The following HEATR4 variants were observed in gnomAD, a reference collection of about 807,000 sequenced individuals.
HEATR4 encodes the protein HEAT repeat-containing protein 4.
A neutral mutation model predicts 108.8 loss-of-function variants in HEATR4; 95 were observed. The observed-to-expected ratio is 0.87, with a 90% CI of 0.74 to 1.04. The LOEUF (loss-of-function observed/expected upper bound fraction) is 1.04. Among genes scored for constraint, HEATR4 ranks in the 50% least tolerant of loss-of-function variants. The pLI is 0.00. For synonymous variants in HEATR4, 443 were observed against 459.4 expected (o/e 0.96, Z 0.46); for missense variants, 1,152 against 1,253.8 (o/e 0.92, Z 1.23).
At chr14:73,480,841 A>T (rs1214678427) in intron 17 of HEATR4, 2 of 152,070 alleles carry the variant, frequency 1.3e-5, no homozygotes, top group Non-Finnish European at 2.9e-5. Context: ...ACATGGTGAA[A>T]CCCTGTCTCT....
chr14:73,594,729 C>T, the HEATR4 span, among the ~76,000 whole-genome samples: 1 of 151,718 alleles, frequency 6.6e-6, no homozygotes, highest in East Asian at 1.9e-4. Flanking sequence ...GAGACGGAGT[C>T]TCGCTTTGTC....
At chr14:73,584,557 G>A in the HEATR4 span, among the ~76,000 whole-genome samples, 4,885 of 147,146 alleles carry the variant, frequency 0.033, 185 homozygotes, top group East Asian at 0.2. Context: ...TGCAAACCCT[G>A]CTGTCTCAGT....
intron 1 of HEATR4, among the ~76,000 whole-genome samples, chr14:73,540,188 T>C (rs1385164125): frequency 1.3e-5 from 2 of 148,832 alleles, no homozygotes; most frequent in Non-Finnish European, 3.0e-5. Context: ...CAATTTGTCT[T>C]AACTTACAAA....
At chr14:73,605,347 T>C in the HEATR4 span, among the ~76,000 whole-genome samples, 1 of 152,166 alleles carries the variant, frequency 6.6e-6, no homozygotes, top group South Asian at 2.1e-4. Context: ...TCCACCTTGC[T>C]TCTAACCTCC....
rs1887935232 is a variant in HEATR4 at position 73,520,913 on chromosome 14, A to G, written c.1008T>C (p.Thr336=). 1.2e-6 allele frequency: 2 copies of G among 1,613,990 alleles called. No homozygotes were observed. Among genetic ancestry groups the G allele is most frequent in the East Asian group, 4.5e-5 (2 of 44,858 alleles). Residue 336 remains threonine (T), a synonymous_variant, in exon 4 of 18, where the codon ACT becomes ACC. Transcript: ENST00000553558. ...PQTQSYFRQV[T]PRAGKFAYST... ...AGTAGGCAAACTTTCCAGCTCGGGG[A>G]GTCACCTGGCGAAAGTAGCTCTGGG...
Position 73,492,628 on chromosome 14 carries a change from C to G in HEATR4, c.2844+438G>C, listed in dbSNP as rs757144885. ...GCTGGGAGGCTGGAGAACCTGTAAA[C>G]GTGGGGGCCCAGTTGACAACAGAAA... On this transcript the variant is annotated intron_variant, in intron 17 of 17. Coordinates refer to ENST00000553558, the MANE Select transcript of HEATR4 (RefSeq NM_001220484.1). This position sits in a 1 kb window ranked among gnomAD's most constrained non-coding sequence, Gnocchi z 4.9. 6.2e-7 allele frequency: 1 copy of G among 1,613,976 alleles called. No individual in the cohort carries two copies. The highest frequency in any genetic ancestry group is 8.5e-7 in the Non-Finnish European group (1 of 1,179,892).
upstream of HEATR4, among the ~76,000 whole-genome samples, chr14:73,561,483 T>A (rs1466454664): frequency 6.6e-6 from 1 of 150,908 alleles, no homozygotes; most frequent in Admixed American, 6.6e-5. Flanking sequence ...AGGTCAGGAG[T>A]TCGAGACCAG....
the HEATR4 span, chr14:73,619,476 G>A: frequency 6.2e-7 from 1 of 1,614,218 alleles, no homozygotes; most frequent in Non-Finnish European, 8.5e-7. Flanking sequence ...ATCCACTGGA[G>A]GAACACAATC....
the HEATR4 span, among the ~76,000 whole-genome samples, chr14:73,632,958 T>C: frequency 1.3e-5 from 2 of 151,992 alleles, no homozygotes; most frequent in Non-Finnish European, 2.9e-5. Context: ...ATAGAACTTA[T>C]TTCCTTAGGG....
At chr14:73,491,431 G>T (rs948771223) in intron 17 of HEATR4, 3 of 1,349,478 alleles carry the variant, frequency 2.2e-6, no homozygotes, top group Non-Finnish European at 2.8e-6. Context: ...TGCCCGCCGC[G>T]CCGGTCCGGG....
rs899310658 is a variant in HEATR4, at chr14:73,508,043, C to A, written c.1881+91G>T. The A allele has an allele frequency of 2.4e-6, 3 of 1,240,724 alleles. No individual in the cohort carries two copies. In the East Asian group the frequency reaches 7.0e-5, roughly 29 times the overall value. The allele number at this position is 1,240,724 out of a possible 1,614,324, so 76.9% of individuals were successfully genotyped here. Reference sequence around the variant, plus strand: ...TTACAGGCATAAGCCACTGCCCCGGCCCCAGCTGCATTTCAGATTGCTTAC... The same window carrying A: ...TTACAGGCATAAGCCACTGCCCCGGACCCAGCTGCATTTCAGATTGCTTAC... On this transcript the variant is annotated intron_variant, in intron 9 of 17. Transcript: ENST00000553558.
At chr14:73,570,903 T>TAAA in the HEATR4 span, among the ~76,000 whole-genome samples, 827 of 137,452 alleles carry the variant, frequency 6.0e-3, 17 homozygotes, top group African/African-American at 0.021. Context: ...GACTCTATCT[T>TAAA]AAAAAAAAAA....
chr14:73,605,100 A>G, the HEATR4 span, among the ~76,000 whole-genome samples: 1 of 146,266 alleles, frequency 6.8e-6, no homozygotes, highest in Non-Finnish European at 1.5e-5. Context: ...AACTGAGAAG[A>G]AAAAAAAAAA....
chr14:73,573,426 A>G, the HEATR4 span: 2 of 1,613,642 alleles, frequency 1.2e-6, no homozygotes, highest in African/African-American at 1.3e-5. Context: ...CATGTTCGGA[A>G]CTGGAGGTGG....
the HEATR4 span, among the ~76,000 whole-genome samples, chr14:73,576,946 T>G: frequency 6.8e-6 from 1 of 147,376 alleles, no homozygotes; most frequent in Non-Finnish European, 1.5e-5. Flanking sequence ...TTTTTTTTTT[T>G]TTGAGAGAGG....
At chr14:73,612,630 G>T in the HEATR4 span, 1 of 1,405,536 alleles carries the variant, frequency 7.1e-7, no homozygotes, top group Non-Finnish European at 9.3e-7. Flanking sequence ...GAGCCGCTGC[G>T]CATCGCAGTG....
In HEATR4 at chr14:73,546,825, G is replaced by T. The variant is rs1489875009; in HGVS notation, c.-152+11926C>A. The stretch of plus-strand genomic sequence containing the variant: ...ACAGAGGTTGGGTGCAGTGGCTTAT[G>T]CCTGTAATCCCAGCACTTTGGGAGG... On this transcript the variant is annotated intron_variant, in intron 1 of 17. Transcript: ENST00000553558. Among the ~76,000 whole-genome samples, 5 of 110,462 alleles carry T rather than the reference G, an allele frequency of 4.5e-5. 2 individuals are homozygous for T. Among genetic ancestry groups the T allele is most frequent in the African/African-American group, 1.4e-4 (5 of 35,606 alleles). The allele number at this position is 110,462 out of a possible 152,430, so 72.5% of individuals were successfully genotyped here.
intron 17 of HEATR4, among the ~76,000 whole-genome samples, chr14:73,481,762 G>A (rs1020957042): frequency 2.0e-5 from 3 of 151,838 alleles, no homozygotes; most frequent in Admixed American, 2.0e-4. Context: ...GGAGAATGGC[G>A]TGAACCTGGG....
intron 1 of HEATR4, among the ~76,000 whole-genome samples, chr14:73,553,661 G>T (rs1889357626): frequency 8.8e-6 from 1 of 113,566 alleles, no homozygotes; most frequent in African/African-American, 2.8e-5. Flanking sequence ...TTGAGATAGA[G>T]TCTTGCTCTG....
Sources: gnomAD v4.1 joint callset for allele counts (sites outside exome capture counted in the v4.1 genomes callset) on GRCh38, gnomAD v4.1.1 for gene constraint, Gnocchi (gnomAD v3.1) non-coding constraint, MANE v1.5 for transcripts, NCBI Gene and HGNC (gene_info 2026-07-23, HGNC 2026-07-21) for gene names.